The following TSPEAR variants were observed in gnomAD, a reference collection of about 807,000 sequenced individuals.
TSPEAR encodes the protein thrombospondin type laminin G domain and EAR repeats, also known as thrombospondin-type laminin G domain and EAR repeat-containing protein.
A neutral mutation model predicts 71.6 loss-of-function variants in TSPEAR; 69 were observed. The ratio of observed to expected loss-of-function variants is 0.96; its 90% CI spans 0.79 to 1.18. The LOEUF (loss-of-function observed/expected upper bound fraction) is 1.18, where lower values mean the gene tolerates loss of function less well. TSPEAR is among the 50% of genes most tolerant of loss of function. The pLI is 0.00. For missense variants in TSPEAR, 971 were observed against 894.9 expected, an observed-to-expected ratio of 1.09 and a Z score of -1.09; for synonymous variants, 402 against 387.2, an observed-to-expected ratio of 1.04 and a Z score of -0.45.
chr21:44,672,427 G>A (rs139080409), intron 1 of TSPEAR, among the ~76,000 whole-genome samples: 1,847 of 152,212 alleles, frequency 0.012, 41 homozygotes, highest in African/African-American at 0.041. Flanking sequence ...AAAATTAGCC[G>A]GGCGTGGTGG....
At chr21:44,673,375 G>A (rs1207350975) in intron 1 of TSPEAR, among the ~76,000 whole-genome samples, 1 of 152,040 alleles carries the variant, frequency 6.6e-6, no homozygotes. Flanking sequence ...ATCACCACTG[G>A]ACCAGCCATA....
chr21:44,670,914 A>G (rs1555945801), intron 1 of TSPEAR, among the ~76,000 whole-genome samples: 1 of 152,206 alleles, frequency 6.6e-6, no homozygotes, highest in Non-Finnish European at 1.5e-5. Flanking sequence ...TGCATCAATA[A>G]GGCAGGGGTT....
chr21:44,702,308 C>A, intron 1 of TSPEAR: 2 of 1,609,774 alleles, frequency 1.2e-6, no homozygotes, highest in Non-Finnish European at 8.5e-7. Context: ...AGCTGCTGTG[C>A]CCCGGCCCCC....
At chr21:44,548,795 C>T (rs2053347681) in intron 2 of TSPEAR, among the ~76,000 whole-genome samples, 1 of 152,158 alleles carries the variant, frequency 6.6e-6, no homozygotes, top group Non-Finnish European at 1.5e-5. Context: ...CTTTGGAGGG[C>T]ATTTCTCAGT....
intron 1 of TSPEAR, among the ~76,000 whole-genome samples, chr21:44,634,799 C>T (rs1555936325): frequency 6.6e-6 from 1 of 152,028 alleles, no homozygotes; most frequent in African/African-American, 2.4e-5. Context: ...TACTTCATAC[C>T]CACCAAGATG....
At chr21:44,621,812 T>A (rs987852244) in intron 1 of TSPEAR, among the ~76,000 whole-genome samples, 1 of 152,158 alleles carries the variant, frequency 6.6e-6, no homozygotes, top group Non-Finnish European at 1.5e-5. Flanking sequence ...GATATTTGTA[T>A]TTTTGTTCCT....
intron 1 of TSPEAR, among the ~76,000 whole-genome samples, chr21:44,641,918 CA>C (rs1984041845): frequency 6.6e-6 from 1 of 152,138 alleles, no homozygotes; most frequent in Non-Finnish European, 1.5e-5. Context: ...AATTTTTACT[CA>C]GCAATTTCCA....
At chr21:44,698,721 A>G (rs1356741010) in intron 1 of TSPEAR, among the ~76,000 whole-genome samples, 2 of 152,212 alleles carry the variant, frequency 1.3e-5, no homozygotes, top group Non-Finnish European at 2.9e-5. Context: ...TCCCGGGACA[A>G]GCGTCCAGGC....
At chr21:44,556,948 C>G (rs1569184203) in intron 2 of TSPEAR, among the ~76,000 whole-genome samples, 5 of 152,166 alleles carry the variant, frequency 3.3e-5, no homozygotes. Flanking sequence ...TAAAAGGAAA[C>G]CAACTTCATG....
At chr21:44,701,176 C>T (rs782299565) in intron 1 of TSPEAR, among the ~76,000 whole-genome samples, 2 of 152,246 alleles carry the variant, frequency 1.3e-5, no homozygotes, top group Non-Finnish European at 2.9e-5. Context: ...CCCAGTGACG[C>T]TTCCATAGGG....
At chr21:44,601,433 G>C in intron 1 of TSPEAR, 1 of 1,611,348 alleles carries the variant, frequency 6.2e-7, no homozygotes. Flanking sequence ...CCCGTCTGCT[G>C]TAAGCCTGTG....
chr21:44,549,707 C>T (rs2053368058), intron 2 of TSPEAR, among the ~76,000 whole-genome samples: 1 of 152,260 alleles, frequency 6.6e-6, no homozygotes, highest in Non-Finnish European at 1.5e-5. Flanking sequence ...ACATCTGGAC[C>T]TGTGCGTCCA....
In TSPEAR at chr21:44,710,408, T is replaced by C. The variant is rs909225922; in HGVS notation, c.82+1025A>G. Among the ~76,000 whole-genome samples, 70 of 149,200 alleles carry C rather than the reference T, an allele frequency of 4.7e-4. 1 individual carries two copies. The highest frequency in any genetic ancestry group is 9.2e-4 in the Non-Finnish European group (62 of 67,700). ...TCCGTCCCTGGGTGGGCAGGCACGTTTATGACCCCCACCCCCACCCCCACC... is the reference window on the plus strand; with the variant it reads ...TCCGTCCCTGGGTGGGCAGGCACGTCTATGACCCCCACCCCCACCCCCACC... On this transcript the variant is annotated intron_variant, in intron 1 of 11. Coordinates refer to ENST00000323084, the MANE Select transcript of TSPEAR (RefSeq NM_144991.3). The surrounding 1 kb of genome is among the most constrained non-coding windows in gnomAD (Gnocchi z 4.6).
intron 1 of TSPEAR, chr21:44,592,003 C>T: frequency 1.2e-6 from 2 of 1,600,300 alleles, no homozygotes; most frequent in South Asian, 1.1e-5. Flanking sequence ...GACAGGCTTG[C>T]AGCAGACGGG....
At chr21:44,562,629 A>G (rs2053653283) in intron 2 of TSPEAR, among the ~76,000 whole-genome samples, 1 of 152,206 alleles carries the variant, frequency 6.6e-6, no homozygotes, top group South Asian at 2.1e-4. Context: ...CAAGAGAAAA[A>G]CAAGTTATTT....
intron 1 of TSPEAR, among the ~76,000 whole-genome samples, chr21:44,648,659 C>T (rs925302483): frequency 2.6e-5 from 4 of 152,216 alleles, no homozygotes; most frequent in Admixed American, 6.5e-5. Flanking sequence ...ATTGCTGAGG[C>T]CAAGCCGCTG....
chr21:44,668,131 T>C (rs1317761827), intron 1 of TSPEAR, among the ~76,000 whole-genome samples: 1 of 152,204 alleles, frequency 6.6e-6, no homozygotes, highest in African/African-American at 2.4e-5. Context: ...TGTTCACAGA[T>C]GACATGATTT....
In TSPEAR at chr21:44,558,350, G is replaced by A. The variant is rs371081409; in HGVS notation, c.303+9435C>T. The stretch of plus-strand genomic sequence containing the variant: ...CAGAGCAGACGGGCACACAGCAGAT[G>A]GGCTTGCAGCAGACAGGCTTGCAGC... On this transcript the variant is annotated intron_variant, in intron 2 of 11. Coordinates refer to ENST00000323084, the MANE Select transcript of TSPEAR (RefSeq NM_144991.3). 16 of 1,613,370 alleles carry A rather than the reference G, an allele frequency of 9.9e-6. No individual in the cohort carries two copies. The African/African-American group carries it at 2.0e-4, about 20-fold the overall frequency.
rs587630462 is a variant in TSPEAR, at chr21:44,573,568, C to T, written c.83-5563G>A. Among the ~76,000 whole-genome samples, 6 of 152,304 alleles carry T rather than the reference C, an allele frequency of 3.9e-5. No homozygotes were observed. In the South Asian group the frequency reaches 1.0e-3, roughly 26 times the overall value. On this transcript the variant is annotated intron_variant, in intron 1 of 11. Coordinates refer to ENST00000323084, the MANE Select transcript of TSPEAR (RefSeq NM_144991.3). ...CAACAGCTCTTGGGAAACAAAAACACAGCTACTGTTTATTCTCCTGGAGCT... is the reference window on the plus strand; with the variant it reads ...CAACAGCTCTTGGGAAACAAAAACATAGCTACTGTTTATTCTCCTGGAGCT...
Sources: gnomAD v4.1 joint callset for allele counts (sites outside exome capture counted in the v4.1 genomes callset) on GRCh38, gnomAD v4.1.1 for gene constraint, Gnocchi (gnomAD v3.1) non-coding constraint, MANE v1.5 for transcripts, NCBI Gene and HGNC (gene_info 2026-07-23, HGNC 2026-07-21) for gene names.